The following CLSTN1 variants were observed in gnomAD, a reference collection of about 807,000 sequenced individuals.
CLSTN1 encodes the protein calsyntenin 1.
CLSTN1 carries 28 observed loss-of-function variants against 108.3 expected under a neutral mutation model. The observed-to-expected ratio is 0.26, with a 90% CI of 0.19 to 0.35. The LOEUF (loss-of-function observed/expected upper bound fraction) is 0.35. Ranked by LOEUF, CLSTN1 falls within the 10% of genes least tolerant of loss-of-function variation. CLSTN1 has a pLI of 1.00. For missense variants in CLSTN1, 1,157 were observed against 1,302.6 expected, an observed-to-expected ratio of 0.89 and a Z score of 1.72; for synonymous variants, 524 against 534.9, an observed-to-expected ratio of 0.98 and a Z score of 0.28.
intron 2 of CLSTN1, among the ~76,000 whole-genome samples, chr1:9,765,746 G>A (rs1422104148): frequency 6.6e-6 from 1 of 151,140 alleles, no homozygotes. Context: ...CGGGCGTGGT[G>A]GCGGCGGGCG....
Position 9,730,730 on chromosome 1 carries a change from A to G in CLSTN1, c.2749-25T>C, listed in dbSNP as rs113500886. 52 of 1,569,306 alleles carry G rather than the reference A, an allele frequency of 3.3e-5. No homozygotes were observed. In the Middle Eastern group the frequency reaches 1.0e-3, roughly 30 times the overall value. On this transcript the variant is annotated intron_variant, in intron 18 of 18. Coordinates refer to ENST00000377298, the MANE Select transcript of CLSTN1 (RefSeq NM_001009566.3). The surrounding 1 kb of genome is among the most constrained non-coding windows in gnomAD (Gnocchi z 5.6). Reference sequence around the variant, plus strand: ...TCTGGCAAGGAGAAGTGACGGCCACATGAGTCCGGCCCTGCCCACAGCCCC... The same window carrying G: ...TCTGGCAAGGAGAAGTGACGGCCACGTGAGTCCGGCCCTGCCCACAGCCCC...
chr1:9,819,705 A>AAT (rs1273320491), intron 1 of CLSTN1, among the ~76,000 whole-genome samples: 1 of 152,212 alleles, frequency 6.6e-6, no homozygotes, highest in African/African-American at 2.4e-5. Context: ...CTAAAATTGG[A>AAT]ATATATTCAA....
chr1:9,768,131 C>T (rs1321230517), intron 2 of CLSTN1, among the ~76,000 whole-genome samples: 1 of 152,158 alleles, frequency 6.6e-6, no homozygotes, highest in Non-Finnish European at 1.5e-5. Flanking sequence ...TCCCTCGGCT[C>T]TAGGGTCTCT....
rs1401426565 is a variant in CLSTN1 at position 9,769,896 on chromosome 1, G to A, written c.214+3376C>T. Among the ~76,000 whole-genome samples, 3 of 152,170 alleles carry A rather than the reference G, an allele frequency of 2.0e-5. No individual in the cohort carries two copies. The East Asian group carries it at 5.8e-4, about 29-fold the overall frequency. On this transcript the variant is annotated intron_variant, in intron 2 of 18. Coordinates refer to ENST00000377298, the MANE Select transcript of CLSTN1 (RefSeq NM_001009566.3). ...ATACAAAAAATTAGCCGGGCGCGGTGGCGGACTCCTGTAGTCCCAGCTAAT... is the reference window on the plus strand; with the variant it reads ...ATACAAAAAATTAGCCGGGCGCGGTAGCGGACTCCTGTAGTCCCAGCTAAT...
chr1:9,823,976 C>T (rs1655302792), upstream of CLSTN1: 2 of 155,230 alleles, frequency 1.3e-5, no homozygotes, highest in East Asian at 3.8e-4. This position sits in a 1 kb window ranked among gnomAD's most constrained non-coding sequence, Gnocchi z 6.3. Context: ...GGCGGCGGCG[C>T]TCTCTCTCGG....
intron 1 of CLSTN1, among the ~76,000 whole-genome samples, chr1:9,774,846 T>C (rs1652859260): frequency 6.6e-6 from 1 of 152,098 alleles, no homozygotes; most frequent in African/African-American, 2.4e-5. Flanking sequence ...ATTTTTATGG[T>C]TATTTCTTGA....
intron 15 of CLSTN1, 93 bp downstream of exon 15, chr1:9,733,879 A>G: frequency 7.5e-7 from 1 of 1,328,868 alleles, no homozygotes; most frequent in Non-Finnish European, 1.0e-6. Context: ...AGATAACTCA[A>G]CATTCTCAGA....
intron 15 of CLSTN1, 79 bp from the exon 16 acceptor site, chr1:9,733,625 C>T (rs1650525925): frequency 5.8e-6 from 9 of 1,561,442 alleles, no homozygotes; most frequent in Admixed American, 1.7e-5. Flanking sequence ...TCAGCACAGG[C>T]AGGCTCAATT....
At chr1:9,800,851 A>G (rs1654233148) in intron 1 of CLSTN1, among the ~76,000 whole-genome samples, 1 of 152,080 alleles carries the variant, frequency 6.6e-6, no homozygotes, top group Non-Finnish European at 1.5e-5. Context: ...AGGTAGGAGA[A>G]TAGCTGGAAC....
In CLSTN1 at chr1:9,734,220, C is replaced by A; in HGVS notation, c.2111-78G>T. 1 of 1,427,044 alleles carries A rather than the reference C, an allele frequency of 7.0e-7. No homozygotes were observed. The highest frequency in any genetic ancestry group is 1.2e-5 in the South Asian group (1 of 81,216). The allele number at this position is 1,427,044 out of a possible 1,614,324, so 88.4% of individuals were successfully genotyped here. A position where few individuals can be genotyped will look rare whatever the true frequency, so the allele number is the denominator to read the frequency against. On this transcript the variant is annotated intron_variant, in intron 14 of 18. Coordinates refer to ENST00000377298, the MANE Select transcript of CLSTN1 (RefSeq NM_001009566.3). This position sits in a 1 kb window ranked among gnomAD's most constrained non-coding sequence, Gnocchi z 4.8. Reference sequence around the variant, plus strand: ...TGGCGGGGCACACTGGATGCCCTGCCGGCTCACCCCAAACCTACATGGCTC... The same window carrying A: ...TGGCGGGGCACACTGGATGCCCTGCAGGCTCACCCCAAACCTACATGGCTC...
At chr1:9,759,678 G>A (rs1205019821) in intron 2 of CLSTN1, among the ~76,000 whole-genome samples, 1 of 152,226 alleles carries the variant, frequency 6.6e-6, no homozygotes, top group East Asian at 1.9e-4. Context: ...GGCAGAGGTT[G>A]TTGCAGAGTT....
At chr1:9,812,844 A>C (rs1320843496) in intron 1 of CLSTN1, among the ~76,000 whole-genome samples, 1 of 143,536 alleles carries the variant, frequency 7.0e-6, no homozygotes, top group Non-Finnish European at 1.5e-5. Context: ...CTGAAACTCT[A>C]TCTCAAAAAA....
chr1:9,818,323 TTTG>T (rs1416038112), intron 1 of CLSTN1, among the ~76,000 whole-genome samples: 1 of 148,026 alleles, frequency 6.8e-6, no homozygotes, highest in African/African-American at 2.6e-5. Context: ...TGGGTTTTTT[TTTG>T]TTTTTGTTTT....
At chr1:9,735,304 T>C (rs1650625293) in intron 13 of CLSTN1, 130 bp from the exon 14 acceptor site, 2 of 1,367,376 alleles carry the variant, frequency 1.5e-6, no homozygotes, top group Non-Finnish European at 2.1e-6. Flanking sequence ...AGGAACACAC[T>C]TGCAAACAAG....
chr1:9,732,031 C>A, intron 16 of CLSTN1, 135 bp from the exon 17 acceptor site: 6 of 859,542 alleles, frequency 7.0e-6, no homozygotes, highest in South Asian at 5.9e-5. Flanking sequence ...GCAAACGGAG[C>A]TACGGGAAAA....
chr1:9,790,581 A>C (rs1026919739), intron 1 of CLSTN1, among the ~76,000 whole-genome samples: 9 of 151,462 alleles, frequency 5.9e-5, no homozygotes, highest in African/African-American at 1.9e-4. Flanking sequence ...ATATTTTGTC[A>C]GTATATTTCA....
At chr1:9,793,120 C>A (rs1341623902) in intron 1 of CLSTN1, among the ~76,000 whole-genome samples, 1 of 151,320 alleles carries the variant, frequency 6.6e-6, no homozygotes, top group Non-Finnish European at 1.5e-5. Context: ...TCAAGCGATT[C>A]TCCTGCCTCA....
intron 1 of CLSTN1, among the ~76,000 whole-genome samples, chr1:9,777,623 T>A (rs1459660207): frequency 6.6e-6 from 1 of 152,214 alleles, no homozygotes; most frequent in Non-Finnish European, 1.5e-5. Context: ...AATATTTTTA[T>A]GAAAATAACT....
intron 7 of CLSTN1, among the ~76,000 whole-genome samples, chr1:9,748,123 A>C (rs1333781936): frequency 6.6e-6 from 1 of 152,162 alleles, no homozygotes; most frequent in Non-Finnish European, 1.5e-5. Context: ...GTTTAAGAAA[A>C]TGCTCCCTGA....
Sources: gnomAD v4.1 joint callset for allele counts (sites outside exome capture counted in the v4.1 genomes callset) on GRCh38, gnomAD v4.1.1 for gene constraint, Gnocchi (gnomAD v3.1) non-coding constraint, MANE v1.5 for transcripts, NCBI Gene and HGNC (gene_info 2026-07-23, HGNC 2026-07-21) for gene names.